Variants in MGMT observed in about 807,000 individuals in gnomAD.
MGMT encodes the protein methylated-DNA--protein-cysteine methyltransferase.
MGMT carries 14 observed loss-of-function variants against 15.9 expected under a neutral mutation model. That is an observed-to-expected ratio of 0.88 (90% confidence interval 0.58 to 1.37). The LOEUF (loss-of-function observed/expected upper bound fraction) is 1.37, where lower values mean the gene tolerates loss of function less well. Among genes scored for constraint, MGMT ranks in the 40% most tolerant of loss-of-function variants. The pLI is 0.00. For missense variants in MGMT, 282 were observed against 268.1 expected (o/e 1.05, Z -0.36); for synonymous variants, 130 against 118.2 (o/e 1.10, Z -0.65).
intron 2 of MGMT, among the ~76,000 whole-genome samples, chr10:129,562,242 G>A (rs1051848509): frequency 5.3e-5 from 8 of 152,208 alleles, no homozygotes; most frequent in African/African-American, 1.9e-4. Flanking sequence ...CATCTTGTGA[G>A]TCTCTTGATA....
In MGMT at chr10:129,737,803, G is replaced by A. The variant is rs559358467; in HGVS notation, c.275-21399G>A. Among the ~76,000 whole-genome samples the A allele has an allele frequency of 2.5e-3, 386 of 152,282 alleles. 2 individuals are homozygous for A. Among genetic ancestry groups the A allele is most frequent in the Non-Finnish European group, 4.1e-3 (280 of 68,006 alleles). On this transcript the variant is annotated intron_variant, in intron 3 of 4. Transcript: ENST00000651593. ...GACCCTCAGCTGCAGGTCTGTTGGA[G>A]TACCCGGCCGTGTGAGGTGTCAGTC...
At chr10:129,589,755 C>G (rs186497759) in intron 2 of MGMT, among the ~76,000 whole-genome samples, 5 of 152,330 alleles carry the variant, frequency 3.3e-5, no homozygotes, top group East Asian at 3.9e-4. Flanking sequence ...ACTTACAAAT[C>G]CAGCTTCCAG....
At chr10:129,610,591 G>C (rs1442464251) in intron 2 of MGMT, among the ~76,000 whole-genome samples, 1 of 152,154 alleles carries the variant, frequency 6.6e-6, no homozygotes, top group African/African-American at 2.4e-5. Flanking sequence ...ACTAAAACAG[G>C]GGTTGGCCAA....
intron 3 of MGMT, among the ~76,000 whole-genome samples, chr10:129,757,184 T>C (rs2133183675): frequency 6.6e-6 from 1 of 152,374 alleles, no homozygotes; most frequent in East Asian, 1.9e-4. Flanking sequence ...CATGAGAAAC[T>C]GACAATGAAG....
chr10:129,674,734 G>A (rs1433840144), intron 2 of MGMT, among the ~76,000 whole-genome samples: 6 of 152,206 alleles, frequency 3.9e-5, no homozygotes, highest in African/African-American at 9.6e-5. Context: ...CCCAGCTTTC[G>A]CCTCCCCTGG....
In MGMT at chr10:129,715,585, T is replaced by C. The variant is rs927463749; in HGVS notation, c.274+7542T>C. The stretch of plus-strand genomic sequence containing the variant: ...CCTTCGTCTCTTTTGTCGTCATAAA[T>C]GCACATTCATGTTTTACAGGTAATG... On this transcript the variant is annotated intron_variant, in intron 3 of 4. Transcript: ENST00000651593. 3.3e-5 allele frequency: 5 copies of C among 152,360 alleles called. No individual in the cohort carries two copies. The South Asian group carries it at 8.3e-4, about 25-fold the overall frequency. The allele number at this position is 152,360 out of a possible 1,614,324, so 9.4% of individuals were successfully genotyped here.
At chr10:129,702,834 G>A (rs192402045) in intron 2 of MGMT, among the ~76,000 whole-genome samples, 3 of 152,304 alleles carry the variant, frequency 2.0e-5, no homozygotes, top group Admixed American at 6.5e-5. Context: ...TTCCATGAGC[G>A]TGGGCTACGG....
At chr10:129,633,019 G>A (rs117702851) in intron 2 of MGMT, among the ~76,000 whole-genome samples, 5,779 of 152,170 alleles carry the variant, frequency 0.038, 141 homozygotes, top group Admixed American at 0.067. Context: ...AGGAAAAAAT[G>A]TAAATACAAA....
At chr10:129,630,896 C>T (rs559101608) in intron 2 of MGMT, among the ~76,000 whole-genome samples, 50 of 152,314 alleles carry the variant, frequency 3.3e-4, no homozygotes, top group Middle Eastern at 6.8e-3. Flanking sequence ...AAATGGCTCA[C>T]GTTAAAAATA....
intron 2 of MGMT, among the ~76,000 whole-genome samples, chr10:129,545,409 T>G (rs2119777380): frequency 6.6e-6 from 1 of 152,352 alleles, no homozygotes; most frequent in African/African-American, 2.4e-5. Context: ...AAGTTCAGGC[T>G]CAGCACTGGA....
intron 2 of MGMT, among the ~76,000 whole-genome samples, chr10:129,576,791 C>T (rs1375313510): frequency 2.8e-4 from 43 of 152,252 alleles, no homozygotes; most frequent in East Asian, 1.2e-3. Flanking sequence ...AAAACCCCAT[C>T]GTCTCATCCC....
intron 2 of MGMT, among the ~76,000 whole-genome samples, chr10:129,650,865 A>T (rs746890024): frequency 6.6e-6 from 1 of 152,208 alleles, no homozygotes; most frequent in African/African-American, 2.4e-5. Flanking sequence ...AGAGACGGTT[A>T]GTCTCAGGAG....
chr10:129,621,898 A>AACT (rs1847095044), intron 2 of MGMT, among the ~76,000 whole-genome samples: 1 of 152,220 alleles, frequency 6.6e-6, no homozygotes, highest in East Asian at 1.9e-4. Context: ...TAACTCTTAG[A>AACT]ATTTGTTAAC....
chr10:129,760,074 G>A (rs1208912232), intron 4 of MGMT, among the ~76,000 whole-genome samples: 6 of 152,240 alleles, frequency 3.9e-5, no homozygotes, highest in Non-Finnish European at 7.3e-5. Context: ...AGGCCCAACC[G>A]GGACACAGCA....
At chr10:129,590,736 G>A (rs1166447890) in intron 2 of MGMT, among the ~76,000 whole-genome samples, 1 of 152,118 alleles carries the variant, frequency 6.6e-6, no homozygotes, top group Non-Finnish European at 1.5e-5. Flanking sequence ...GGCATTTAAG[G>A]GATTCACAAT....
intron 2 of MGMT, among the ~76,000 whole-genome samples, chr10:129,681,360 T>C (rs1186713470): frequency 6.6e-6 from 1 of 152,206 alleles, no homozygotes; most frequent in Non-Finnish European, 1.5e-5. Flanking sequence ...TTCCGTCCCA[T>C]AGAGACCATG....
chr10:129,567,643 C>G (rs1219188308), intron 2 of MGMT, among the ~76,000 whole-genome samples: 2 of 152,098 alleles, frequency 1.3e-5, no homozygotes, highest in African/African-American at 4.8e-5. Context: ...GTAATAAAAG[C>G]ACGGGTACAG....
At chr10:129,523,276 C>T (rs1442336446) in intron 1 of MGMT, among the ~76,000 whole-genome samples, 1 of 152,276 alleles carries the variant, frequency 6.6e-6, no homozygotes, top group Non-Finnish European at 1.5e-5. Context: ...GGCCAGGCCA[C>T]ACGGCCGGGG....
At chr10:129,627,944 T>A (rs901299342) in intron 2 of MGMT, among the ~76,000 whole-genome samples, 1 of 152,222 alleles carries the variant, frequency 6.6e-6, no homozygotes, top group African/African-American at 2.4e-5. Context: ...TGAGTTAGCC[T>A]TTGTTGTTCC....
Sources: gnomAD v4.1 joint callset for allele counts (sites outside exome capture counted in the v4.1 genomes callset) on GRCh38, gnomAD v4.1.1 for gene constraint, MANE v1.5 for transcripts, NCBI Gene and HGNC (gene_info 2026-07-23, HGNC 2026-07-21) for gene names.